The following IPP variants were observed in gnomAD, a reference collection of about 807,000 sequenced individuals.
The protein encoded by IPP is actin-binding protein IPP.
IPP carries 41 observed loss-of-function variants against 64.1 expected under a neutral mutation model. The ratio of observed to expected loss-of-function variants is 0.64; its 90% confidence interval spans 0.50 to 0.83. The LOEUF (loss-of-function observed/expected upper bound fraction) is 0.83, where lower values mean the gene tolerates loss of function less well. Ranked by LOEUF, IPP falls within the 40% of genes least tolerant of loss-of-function variation. The probability of loss-of-function intolerance (pLI) is 0.00; values close to 1 mark genes in which losing one functional copy is unlikely to be tolerated. For synonymous variants in IPP, 214 were observed against 235.2 expected (o/e 0.91, Z 0.83); for missense variants, 649 against 703.0 (o/e 0.92, Z 0.87).
At chr1:45,720,030 A>C (rs933814940) in intron 5 of IPP, among the ~76,000 whole-genome samples, 7 of 152,070 alleles carry the variant, frequency 4.6e-5, no homozygotes, top group Non-Finnish European at 1.5e-5. Flanking sequence ...CCTGAAAATG[A>C]AAAAATTTTA....
chr1:45,705,805 C>CAACAAACA lies in IPP; in HGVS notation c.1531-5623_1531-5616dup, dbSNP rs147394941. Among the ~76,000 whole-genome samples the CAACAAACA allele has an allele frequency of 1.3e-4, 19 of 151,476 alleles. No homozygotes were observed. In the South Asian group the frequency reaches 2.7e-3, roughly 22 times the overall value. ...TGGGAGACAGAGTGAGACATCGTCT[C>CAACAAACA]AACAAACAAACAAACAAACAAACAA... On this transcript the variant is annotated intron_variant, in intron 8 of 8. Coordinates refer to ENST00000396478, the MANE Select transcript of IPP (RefSeq NM_005897.3).
At chr1:45,694,337 G>A, downstream of IPP, 2 of 762,494 alleles carry the variant, frequency 2.6e-6, no homozygotes, top group South Asian at 1.6e-5. Context: ...TCATCTCATA[G>A]TATATTAGTT....
intron 8 of IPP, among the ~76,000 whole-genome samples, chr1:45,709,033 CAAAA>C (rs71058700): frequency 3.4e-5 from 2 of 58,162 alleles, no homozygotes; most frequent in East Asian, 1.1e-3. Flanking sequence ...GACTCCATCT[CAAAA>C]AAAAAAAAAA....
chr1:45,701,909 T>G (rs1645460185), intron 8 of IPP, among the ~76,000 whole-genome samples: 1 of 152,144 alleles, frequency 6.6e-6, no homozygotes, highest in Non-Finnish European at 1.5e-5. Flanking sequence ...TAAATAAGAT[T>G]ATGAAATACT....
chr1:45,709,444 A>AAAAAAAG (rs1645560886), intron 8 of IPP, among the ~76,000 whole-genome samples: 1 of 148,596 alleles, frequency 6.7e-6, no homozygotes, highest in Non-Finnish European at 1.5e-5. Flanking sequence ...AAAAAAAAAA[A>AAAAAAAG]AAAAAGAGAA....
At chr1:45,709,652 C>T (rs1195732745) in intron 8 of IPP, among the ~76,000 whole-genome samples, 1 of 141,754 alleles carries the variant, frequency 7.1e-6, no homozygotes, top group Non-Finnish European at 1.5e-5. Context: ...TGATGGAACC[C>T]CATCTCTACT....
In IPP at chr1:45,727,851, C is replaced by T. The variant is rs1445796315; in HGVS notation, c.881-53G>A. ...GAAAATCTACTGTTCTACATCTAAACATTTAGTATAACTACTATATAACAA... is the reference window on the plus strand; with the variant it reads ...GAAAATCTACTGTTCTACATCTAAATATTTAGTATAACTACTATATAACAA... On this transcript the variant is annotated intron_variant, in intron 4 of 8. Coordinates refer to ENST00000396478, the MANE Select transcript of IPP (RefSeq NM_005897.3). The T allele has an allele frequency of 9.3e-6, 12 of 1,289,798 alleles. No homozygotes were observed. The African/African-American group carries it at 1.3e-4, about 14-fold the overall frequency. The allele number at this position is 1,289,798 out of a possible 1,614,324, so 79.9% of individuals were successfully genotyped here.
chr1:45,721,932 G>A lies in IPP; in HGVS notation c.1049-2592C>T, dbSNP rs193006837. On this transcript the variant is annotated intron_variant, in intron 5 of 8. Coordinates refer to ENST00000396478, the MANE Select transcript of IPP (RefSeq NM_005897.3). ...AAAAACACAAAAATTAGCCAGGCGCGGTGGTGCGTGTCTGTAATCCCAGCT... is the reference window on the plus strand; with the variant it reads ...AAAAACACAAAAATTAGCCAGGCGCAGTGGTGCGTGTCTGTAATCCCAGCT... Among the ~76,000 whole-genome samples, 460 of 152,290 alleles carry A rather than the reference G, an allele frequency of 3.0e-3. 3 individuals carry two copies. Among genetic ancestry groups the A allele is most frequent in the East Asian group, 0.021 (111 of 5,168 alleles).
intron 3 of IPP, among the ~76,000 whole-genome samples, chr1:45,739,409 CTTTTTTTTTTTTT>C (rs531027721): frequency 5.5e-5 from 5 of 90,604 alleles, no homozygotes; most frequent in Non-Finnish European, 8.4e-5. Context: ...AATTTTTTGC[CTTTTTTTTTTTTT>C]TTTTTTTTTT....
In IPP at chr1:45,706,400, C is replaced by T. The variant is rs185400495; in HGVS notation, c.1531-6210G>A. Among the ~76,000 whole-genome samples, 169 of 152,208 alleles carry T rather than the reference C, an allele frequency of 1.1e-3. 1 individual carries two copies. The highest frequency in any genetic ancestry group is 3.8e-3 in the African/African-American group (156 of 41,542). ...AGGATTACTTAAGTCCGGGAGTTTG[C>T]GTCTAGCCTGGACAATACAGCAAGA... On this transcript the variant is annotated intron_variant, in intron 8 of 8. Coordinates refer to ENST00000396478, the MANE Select transcript of IPP (RefSeq NM_005897.3).
intron 6 of IPP, among the ~76,000 whole-genome samples, chr1:45,718,753 A>G (rs1645693031): frequency 6.6e-6 from 1 of 152,226 alleles, no homozygotes; most frequent in Non-Finnish European, 1.5e-5. Context: ...CTATCTTTAT[A>G]AACATTGCAT....
Position 45,698,721 on chromosome 1 carries a change from T to C in IPP, c.*1245A>G, listed in dbSNP as rs1266144073. 3 of 379,588 alleles carry C rather than the reference T, an allele frequency of 7.9e-6. No homozygotes were observed. The highest frequency in any genetic ancestry group is 9.4e-6 in the Non-Finnish European group (3 of 320,130). 23.5% of individuals were successfully genotyped at this position (379,588 alleles called of 1,614,324 possible). On this transcript the variant is annotated 3_prime_UTR_variant, in exon 9 of 9. Transcript: ENST00000396478. ...AAAAAGGAAGAATTTTTTTTTCTTT[T>C]TTTTTTTTTTTTTTTGAGACAGGTT...
intron 8 of IPP, among the ~76,000 whole-genome samples, chr1:45,711,158 C>A (rs1321177056): frequency 6.8e-6 from 1 of 146,780 alleles, no homozygotes; most frequent in Non-Finnish European, 1.5e-5. Flanking sequence ...CATGGTGAAA[C>A]CCCATCTCTA....
At chr1:45,749,679 C>A (rs368486026) in intron 1 of IPP, among the ~76,000 whole-genome samples, 4,724 of 151,472 alleles carry the variant, frequency 0.031, 242 homozygotes, top group African/African-American at 0.11. Flanking sequence ...CGCCACCACG[C>A]CCGGCTAATT....
intron 5 of IPP, among the ~76,000 whole-genome samples, chr1:45,720,966 T>C (rs1201384395): frequency 6.6e-6 from 1 of 151,570 alleles, no homozygotes; most frequent in Non-Finnish European, 1.5e-5. Flanking sequence ...ACATTAACAA[T>C]AAAGGGAAAA....
In IPP at chr1:45,740,837, A is replaced by G; in HGVS notation, c.724+64T>C. 3.8e-6 allele frequency: 4 copies of G among 1,056,634 alleles called. No individual in the cohort carries two copies. The South Asian group carries it at 5.2e-5, about 14-fold the overall frequency. 65.5% of individuals were successfully genotyped at this position (1,056,634 alleles called of 1,614,324 possible). A position where few individuals can be genotyped will look rare whatever the true frequency, so the allele number is the denominator to read the frequency against. The stretch of plus-strand genomic sequence containing the variant: ...AACCAAAAAATGAAAACACTCTCCC[A>G]CATTTCAGAGAACACATCACTGGAT... On this transcript the variant is annotated intron_variant, in intron 3 of 8. Transcript: ENST00000396478.
rs546876916 is a variant in IPP at position 45,713,138 on chromosome 1, G to A, written c.1530+1108C>T. Among the ~76,000 whole-genome samples, 4 of 152,238 alleles carry A rather than the reference G, an allele frequency of 2.6e-5. No homozygotes were observed. The South Asian group carries it at 8.3e-4, about 32-fold the overall frequency. On this transcript the variant is annotated intron_variant, in intron 8 of 8. Transcript: ENST00000396478. ...AGAAAAAAAGAGCTGAGATTGTTGG[G>A]ATTTGGGGAGCGCAGTGGCTCCGAA...
At chr1:45,695,800 C>G (rs955744294), downstream of IPP, among the ~76,000 whole-genome samples, 2 of 151,944 alleles carry the variant, frequency 1.3e-5, no homozygotes, top group African/African-American at 4.8e-5. Context: ...CTCCCGAGTA[C>G]CTGGGATTAC....
At chr1:45,723,042 T>C (rs1011125541) in intron 5 of IPP, among the ~76,000 whole-genome samples, 2 of 152,210 alleles carry the variant, frequency 1.3e-5, no homozygotes, top group African/African-American at 4.8e-5. Context: ...AATGAGATAG[T>C]GGTGACAATT....
Sources: gnomAD v4.1 joint callset for allele counts (sites outside exome capture counted in the v4.1 genomes callset) on GRCh38, gnomAD v4.1.1 for gene constraint, MANE v1.5 for transcripts, NCBI Gene and HGNC (gene_info 2026-07-23, HGNC 2026-07-21) for gene names.